The following ZFYVE9 variants were observed in gnomAD, a reference collection of about 807,000 sequenced individuals.
ZFYVE9 encodes the protein zinc finger FYVE-type containing 9, also known as zinc finger FYVE domain-containing protein 9.
ZFYVE9 carries 43 observed loss-of-function variants against 126.7 expected under a neutral mutation model. The observed-to-expected ratio is 0.34, with a 90% CI of 0.27 to 0.44. ZFYVE9 has a LOEUF of 0.44. Among genes scored for constraint, ZFYVE9 ranks in the 20% least tolerant of loss-of-function variants. The probability of loss-of-function intolerance (pLI) is 1.00; values close to 1 mark genes in which losing one functional copy is unlikely to be tolerated. For missense variants in ZFYVE9, 1,476 were observed against 1,697.0 expected, an observed-to-expected ratio of 0.87 and a Z score of 2.29; for synonymous variants, 521 against 597.4, an observed-to-expected ratio of 0.87 and a Z score of 1.87.
chr1:52,150,771 TAAAAA>T (rs796794662), intron 1 of ZFYVE9, among the ~76,000 whole-genome samples: 1 of 135,016 alleles, frequency 7.4e-6, no homozygotes, highest in Non-Finnish European at 1.6e-5. Context: ...CATACTGTCT[TAAAAA>T]AAAAAAAAAA....
At chr1:52,228,428 T>C (rs1645189076) in intron 2 of ZFYVE9, among the ~76,000 whole-genome samples, 1 of 152,188 alleles carries the variant, frequency 6.6e-6, no homozygotes, top group South Asian at 2.1e-4. Flanking sequence ...CAGCTCAGTG[T>C]GCCCTTTTTT....
intron 1 of ZFYVE9, chr1:52,160,552 T>G (rs1644448033): frequency 5.2e-6 from 4 of 765,734 alleles, no homozygotes; most frequent in Non-Finnish European, 2.4e-6. Flanking sequence ...ACGCCTCAAG[T>G]GCTGCTCTCA....
chr1:52,179,977 A>G lies in ZFYVE9; in HGVS notation c.-142-36392A>G, dbSNP rs1407865780. On this transcript the variant is annotated intron_variant, in intron 1 of 18. Coordinates refer to ENST00000287727, the MANE Select transcript of ZFYVE9 (RefSeq NM_004799.4). The stretch of plus-strand genomic sequence containing the variant: ...CTCCAGCAGTCAGTCGTGACAACAT[A>G]GGAAGATATGACTTTGGAAGAGCTG... 7 of 955,202 alleles carry G rather than the reference A, an allele frequency of 7.3e-6. No homozygotes were observed. The African/African-American group carries it at 9.6e-5, about 13-fold the overall frequency. 59.2% of individuals were successfully genotyped at this position (955,202 alleles called of 1,614,324 possible). A position where few individuals can be genotyped will look rare whatever the true frequency, so the allele number is the denominator to read the frequency against.
At chr1:52,215,273 T>C (rs942811160) in intron 1 of ZFYVE9, among the ~76,000 whole-genome samples, 4 of 152,230 alleles carry the variant, frequency 2.6e-5, no homozygotes, top group East Asian at 1.9e-4. Flanking sequence ...TTAATAGATA[T>C]AAATCTGTTT....
intron 10 of ZFYVE9, among the ~76,000 whole-genome samples, chr1:52,286,125 C>T (rs921142677): frequency 6.7e-6 from 1 of 149,576 alleles, no homozygotes; most frequent in Non-Finnish European, 1.5e-5. Flanking sequence ...CATTGCACTC[C>T]AGCTTGGGCA....
At chr1:52,169,007 C>A (rs933155777) in intron 1 of ZFYVE9, among the ~76,000 whole-genome samples, 1 of 152,144 alleles carries the variant, frequency 6.6e-6, no homozygotes, top group Non-Finnish European at 1.5e-5. Context: ...CTTGCTGTCC[C>A]TCTGTTTTTA....
intron 10 of ZFYVE9, among the ~76,000 whole-genome samples, chr1:52,291,285 T>C (rs763254199): frequency 1.5e-4 from 23 of 152,188 alleles, no homozygotes; most frequent in Admixed American, 3.9e-4. Context: ...AGGATACCTG[T>C]CCGCTAAAAT....
intron 1 of ZFYVE9, among the ~76,000 whole-genome samples, chr1:52,175,762 C>CCAT (rs1164089149): frequency 6.6e-6 from 1 of 152,210 alleles, no homozygotes; most frequent in African/African-American, 2.4e-5. Context: ...ATTTCATCTT[C>CCAT]CATCACTGAA....
chr1:52,163,174 T>C (rs1644479300), intron 1 of ZFYVE9: 1 of 205,196 alleles, frequency 4.9e-6, no homozygotes. Flanking sequence ...TTCAGTTTTT[T>C]CCCCCATTCA....
chr1:52,187,624 C>T lies in ZFYVE9; in HGVS notation c.-142-28745C>T, dbSNP rs147479517. Among the ~76,000 whole-genome samples, 124 of 152,232 alleles carry T rather than the reference C, an allele frequency of 8.1e-4. 3 individuals carry two copies. In the East Asian group the frequency reaches 0.021, roughly 25 times the overall value. ...ACAAATTTATGAGAGAAAAACAACT[C>T]CATTAAAAAGTGGGCAAAGGACATG... is the stretch of plus-strand genomic sequence containing the variant. On this transcript the variant is annotated intron_variant, in intron 1 of 18. Coordinates refer to ENST00000287727, the MANE Select transcript of ZFYVE9 (RefSeq NM_004799.4).
At chr1:52,268,235 A>G (rs938540775) in intron 6 of ZFYVE9, among the ~76,000 whole-genome samples, 1 of 152,224 alleles carries the variant, frequency 6.6e-6, no homozygotes, top group Non-Finnish European at 1.5e-5. Context: ...AAAGCAAAGT[A>G]TTTTACTCTT....
At chr1:52,343,483 C>T (rs991334042) in intron 17 of ZFYVE9, among the ~76,000 whole-genome samples, 19 of 151,164 alleles carry the variant, frequency 1.3e-4, no homozygotes, top group African/African-American at 4.4e-4. Context: ...GGGCCGGGTG[C>T]GGTGGCTCAC....
chr1:52,180,379 T>A, intron 1 of ZFYVE9: 1 of 1,539,382 alleles, frequency 6.5e-7, no homozygotes, highest in Non-Finnish European at 8.9e-7. Context: ...ATTGGTCCTC[T>A]GGTGTTTGGC....
intron 1 of ZFYVE9, among the ~76,000 whole-genome samples, chr1:52,152,811 CT>C (rs1398562984): frequency 1.3e-5 from 2 of 152,168 alleles, no homozygotes; most frequent in East Asian, 3.9e-4. Context: ...ATGTAAAGAG[CT>C]AAGTACATAG....
chr1:52,167,296 C>A, intron 1 of ZFYVE9, among the ~76,000 whole-genome samples: 1 of 152,164 alleles, frequency 6.6e-6, no homozygotes, highest in Non-Finnish European at 1.5e-5. Context: ...TTGACCCCAT[C>A]AATCTTGGTG....
intron 10 of ZFYVE9, among the ~76,000 whole-genome samples, chr1:52,285,993 A>T (rs1645854418): frequency 6.6e-6 from 1 of 151,992 alleles, no homozygotes; most frequent in Non-Finnish European, 1.5e-5. Flanking sequence ...CATCTCTACT[A>T]AAAATACAAA....
At chr1:52,289,980 A>C (rs1393441061) in intron 10 of ZFYVE9, among the ~76,000 whole-genome samples, 1 of 152,224 alleles carries the variant, frequency 6.6e-6, no homozygotes, top group East Asian at 1.9e-4. Context: ...TACCTTGAGT[A>C]CTAAGCCAAC....
chr1:52,291,192 G>A (rs76508014), intron 10 of ZFYVE9, among the ~76,000 whole-genome samples: 2,605 of 152,260 alleles, frequency 0.017, 210 homozygotes, highest in Admixed American at 0.12. Flanking sequence ...AGATGATAAT[G>A]TTTAGGTGAA....
At chr1:52,247,913 G>A (rs1185837015) in intron 4 of ZFYVE9, among the ~76,000 whole-genome samples, 1 of 152,036 alleles carries the variant, frequency 6.6e-6, no homozygotes, top group Non-Finnish European at 1.5e-5. Context: ...TCATATAAGA[G>A]TGGTTACACA....
Sources: allele counts gnomAD v4.1 joint callset (sites outside exome capture counted in the v4.1 genomes callset), GRCh38; gene constraint gnomAD v4.1.1; transcripts MANE v1.5; gene names NCBI Gene and HGNC (gene_info 2026-07-23, HGNC 2026-07-21).